Variants in GNAL observed in about 807,000 individuals in gnomAD.
GNAL encodes the protein G protein subunit alpha L, also known as guanine nucleotide-binding protein G(olf) subunit alpha.
GNAL carries 18 observed loss-of-function variants against 55.1 expected under a neutral mutation model. The ratio of observed to expected loss-of-function variants is 0.33; its 90% CI spans 0.23 to 0.48. GNAL has a LOEUF of 0.48. GNAL is among the 20% of genes least tolerant of loss of function. The pLI is 0.99. For synonymous variants in GNAL, 253 were observed against 237.0 expected (o/e 1.07, Z -0.62); for missense variants, 412 against 614.1 (o/e 0.67, Z 3.48).
intron 4 of GNAL, among the ~76,000 whole-genome samples, chr18:11,784,456 A>G (rs9675734): frequency 0.082 from 12,515 of 152,298 alleles, 885 homozygotes; most frequent in African/African-American, 0.19. Context: ...ACACCCCTGC[A>G]CTTACCAAAG....
chr18:11,717,971 A>G (rs2032013409), intron 1 of GNAL, among the ~76,000 whole-genome samples: 1 of 152,272 alleles, frequency 6.6e-6, no homozygotes, highest in Non-Finnish European at 1.5e-5. Flanking sequence ...GTCTTAAGCA[A>G]ACATGCTAAA....
rs577211917 is a variant in GNAL, at chr18:11,841,711, T to C, written c.722+16696T>C. On this transcript the variant is annotated intron_variant, in intron 5 of 11. Transcript: ENST00000334049. ...TAGAATTCCTCATTCATCAGATTTATGGAGGAAGCTCTGTGAGCACCTCTG... is the reference window on the plus strand; with the variant it reads ...TAGAATTCCTCATTCATCAGATTTACGGAGGAAGCTCTGTGAGCACCTCTG... Among the ~76,000 whole-genome samples, 18 of 152,096 alleles carry C rather than the reference T, an allele frequency of 1.2e-4. No individual in the cohort carries two copies. The South Asian group carries it at 3.3e-3, about 28-fold the overall frequency.
chr18:11,846,192 G>A (rs1052517788), intron 5 of GNAL, among the ~76,000 whole-genome samples: 29 of 151,982 alleles, frequency 1.9e-4, no homozygotes, highest in Admixed American at 1.1e-3. Flanking sequence ...AAAGAAGGAG[G>A]AGGAGAATCA....
At chr18:11,747,208 T>C in intron 1 of GNAL, 2 of 387,238 alleles carry the variant, frequency 5.2e-6, no homozygotes. Flanking sequence ...CCACCAGAAA[T>C]GAGAACTCCA....
At chr18:11,724,375 A>G (rs749697643) in intron 1 of GNAL, among the ~76,000 whole-genome samples, 2 of 152,200 alleles carry the variant, frequency 1.3e-5, no homozygotes, top group Non-Finnish European at 2.9e-5. Flanking sequence ...GGCTTATACA[A>G]CAGAAGTGGA....
chr18:11,780,755 G>A (rs567377364), intron 4 of GNAL, among the ~76,000 whole-genome samples: 85 of 152,272 alleles, frequency 5.6e-4, no homozygotes, highest in African/African-American at 1.7e-3. Flanking sequence ...ATGAAAAAGC[G>A]CGGTAAGGTG....
rs1204759498 is a variant in GNAL, at chr18:11,845,430, C to T, written c.723-16965C>T. Among the ~76,000 whole-genome samples the T allele has an allele frequency of 2.6e-4, 6 of 22,800 alleles. No homozygotes were observed. In the Admixed American group the frequency reaches 4.7e-3, roughly 18 times the overall value. The allele number at this position is 22,800 out of a possible 152,430, so 15.0% of individuals were successfully genotyped here. A position where few individuals can be genotyped will look rare whatever the true frequency, so the allele number is the denominator to read the frequency against. On this transcript the variant is annotated intron_variant, in intron 5 of 11. Coordinates refer to ENST00000334049, the MANE Select transcript of GNAL (RefSeq NM_182978.4). ...GCTGTGTGCAGGAGAGTGCACTTTT[C>T]TTGAAAATAAAAAAAAAAGTAGCAT...
At position 11,742,977 on chromosome 18, in the gene GNAL, C is replaced by T. The variant is rs200574703; in HGVS notation, c.377-9876C>T. The stretch of plus-strand genomic sequence containing the variant: ...GGAATACATCTCTTTGGGTGACAGC[C>T]TGTAGGTAGCAATATCCATGTGTTC... On this transcript the variant is annotated intron_variant, in intron 1 of 11. Coordinates refer to ENST00000334049, the MANE Select transcript of GNAL (RefSeq NM_182978.4). Among the ~76,000 whole-genome samples, 6 of 152,346 alleles carry T rather than the reference C, an allele frequency of 3.9e-5. No individual in the cohort carries two copies. In the East Asian group the frequency reaches 1.2e-3, roughly 29 times the overall value.
intron 4 of GNAL, among the ~76,000 whole-genome samples, chr18:11,821,919 C>T (rs1568042569): frequency 6.6e-6 from 1 of 152,268 alleles, no homozygotes; most frequent in Non-Finnish European, 1.5e-5. Context: ...GGCCGGCATC[C>T]AGTGTGGCCC....
chr18:11,740,911 T>G (rs2032562102), intron 1 of GNAL, among the ~76,000 whole-genome samples: 1 of 152,244 alleles, frequency 6.6e-6, no homozygotes, highest in African/African-American at 2.4e-5. Flanking sequence ...AGTTTTAGGA[T>G]GAGCCACTCC....
In GNAL at chr18:11,740,075, GTATT is replaced by G. The variant is rs560000874; in HGVS notation, c.377-12754_377-12751del. ...CTAGAGTCCTCCCTTTTCTATTTAT[GTATT>G]TATTTATTTATTTATTTATTTATCT... On this transcript the variant is annotated intron_variant, in intron 1 of 11. Transcript: ENST00000334049. 9.2e-3 allele frequency among the ~76,000 whole-genome samples: 1,398 copies of G among 151,786 alleles called. 19 individuals carry two copies. The highest frequency in any genetic ancestry group is 0.031 in the African/African-American group (1,284 of 41,326).
At chr18:11,870,715 A>T (rs559273163) in intron 9 of GNAL, among the ~76,000 whole-genome samples, 16 of 152,262 alleles carry the variant, frequency 1.1e-4, no homozygotes, top group African/African-American at 3.6e-4. Flanking sequence ...CACACACACA[A>T]TACATACATA....
In GNAL at chr18:11,689,608, A is replaced by G. The variant is rs1291890945; in HGVS notation, c.45A>G (p.Pro15=). The G allele has an allele frequency of 2.6e-5, 35 of 1,341,330 alleles. No individual in the cohort carries two copies. In the South Asian group the frequency reaches 5.3e-4, roughly 20 times the overall value. The allele number at this position is 1,341,330 out of a possible 1,614,324, so 83.1% of individuals were successfully genotyped here. Residue 15 remains proline, a synonymous_variant, in exon 1 of 12, where the codon CCA becomes CCG. Transcript: ENST00000334049. ...YSLRPLLFGG[P]GDDPCAASEP... is the part of the protein sequence containing the mutation. ...TGCGGCCGCTGCTTTTCGGGGGCCC[A>G]GGGGACGACCCCTGCGCGGCCTCGG...
chr18:11,695,918 G>GCACA (rs2031393061), intron 1 of GNAL, among the ~76,000 whole-genome samples: 9 of 147,582 alleles, frequency 6.1e-5, no homozygotes, highest in Admixed American at 4.7e-4. Flanking sequence ...ATGCATGCAC[G>GCACA]CATGCACACA....
chr18:11,777,719 CAT>C (rs1351725284), intron 4 of GNAL, among the ~76,000 whole-genome samples: 1 of 152,130 alleles, frequency 6.6e-6, no homozygotes, highest in Non-Finnish European at 1.5e-5. Flanking sequence ...TGGGTATATA[CAT>C]ATGTTAAAAG....
At chr18:11,863,036 G>A (rs564602446) in intron 6 of GNAL, among the ~76,000 whole-genome samples, 105 of 152,072 alleles carry the variant, frequency 6.9e-4, no homozygotes, top group African/African-American at 2.4e-3. Flanking sequence ...TTGCCACCTC[G>A]CCCAGCTAAT....
chr18:11,841,350 G>A (rs187747191), intron 5 of GNAL, among the ~76,000 whole-genome samples: 11 of 152,124 alleles, frequency 7.2e-5, no homozygotes, highest in East Asian at 3.9e-4. Context: ...TGTGGTTCCC[G>A]GAAAAGATAT....
At chr18:11,794,136 C>T (rs2034314235) in intron 4 of GNAL, among the ~76,000 whole-genome samples, 2 of 152,318 alleles carry the variant, frequency 1.3e-5, no homozygotes, top group South Asian at 4.1e-4. Flanking sequence ...TTGGAACCCT[C>T]ATGCATTGCT....
chr18:11,853,249 A>T lies in GNAL; in HGVS notation c.723-9146A>T, dbSNP rs1462363848. ...TTATGTATACATCCAGCCAGCTGGA[A>T]ATCTGAGAAGTAAAGAGGTAGGACT... On this transcript the variant is annotated intron_variant, in intron 5 of 11. Coordinates refer to ENST00000334049, the MANE Select transcript of GNAL (RefSeq NM_182978.4). 3 of 167,130 alleles carry T rather than the reference A, an allele frequency of 1.8e-5. No individual in the cohort carries two copies. In the East Asian group the frequency reaches 5.8e-4, roughly 32 times the overall value. 10.4% of individuals were successfully genotyped at this position (167,130 alleles called of 1,614,324 possible).
Sources: allele counts gnomAD v4.1 joint callset (sites outside exome capture counted in the v4.1 genomes callset), GRCh38; gene constraint gnomAD v4.1.1; transcripts MANE v1.5; gene names NCBI Gene and HGNC (gene_info 2026-07-23, HGNC 2026-07-21).